ARHGAP22: variants seen among roughly 807,000 people sequenced by gnomAD.
ARHGAP22 encodes rho GTPase-activating protein 22.
Under a neutral mutation model 59.1 loss-of-function variants are expected in ARHGAP22, and 48 were observed. The ratio of observed to expected loss-of-function variants is 0.81; its 90% CI spans 0.64 to 1.03. The LOEUF (loss-of-function observed/expected upper bound fraction) is 1.03. Among genes scored for constraint, ARHGAP22 ranks in the 50% least tolerant of loss-of-function variants. ARHGAP22 has a pLI of 0.00. For missense variants in ARHGAP22, 1,015 were observed against 958.7 expected (o/e 1.06, Z -0.78); for synonymous variants, 445 against 416.4 (o/e 1.07, Z -0.84).
intron 4 of ARHGAP22, among the ~76,000 whole-genome samples, chr10:48,464,485 G>A (rs531171581): frequency 3.4e-4 from 52 of 152,246 alleles, no homozygotes; most frequent in Non-Finnish European, 5.7e-4. Flanking sequence ...TGAAGCCAAC[G>A]TCTAAAGATG....
intron 2 of ARHGAP22, among the ~76,000 whole-genome samples, chr10:48,559,155 TGCCAGGTCAGG>T (rs1290144984): frequency 1.3e-5 from 2 of 152,192 alleles, no homozygotes; most frequent in Admixed American, 6.5e-5. Context: ...CCTACTATAG[TGCCAGGTCAGG>T]GCTTAAGTGT....
chr10:48,490,622 C>T (rs2050294732), intron 3 of ARHGAP22, among the ~76,000 whole-genome samples: 1 of 152,214 alleles, frequency 6.6e-6, no homozygotes, highest in South Asian at 2.1e-4. Context: ...CTCCTGTGTT[C>T]CCACTTCGGT....
intron 3 of ARHGAP22, among the ~76,000 whole-genome samples, chr10:48,498,098 T>G (rs150991406): frequency 1.3e-5 from 2 of 152,142 alleles, no homozygotes; most frequent in Non-Finnish European, 2.9e-5. Flanking sequence ...TAAGGCTCCC[T>G]GCGGGTAACA....
At chr10:48,494,867 C>T in intron 3 of ARHGAP22, among the ~76,000 whole-genome samples, 1 of 152,206 alleles carries the variant, frequency 6.6e-6, no homozygotes, top group East Asian at 1.9e-4. Flanking sequence ...CTCTTCCCAC[C>T]AGAAACTTTG....
intron 1 of ARHGAP22, among the ~76,000 whole-genome samples, chr10:48,637,093 T>C (rs913054299): frequency 8.5e-5 from 13 of 152,146 alleles, no homozygotes; most frequent in African/African-American, 2.9e-4. Flanking sequence ...GCCAGGCCAG[T>C]CTCTGAGAAG....
At chr10:48,485,265 A>G (rs1327210990) in intron 3 of ARHGAP22, among the ~76,000 whole-genome samples, 1 of 152,116 alleles carries the variant, frequency 6.6e-6, no homozygotes, top group Non-Finnish European at 1.5e-5. Context: ...TCCCTGAACT[A>G]CTACTTTAGA....
chr10:48,465,648 G>T (rs559350604), intron 4 of ARHGAP22, among the ~76,000 whole-genome samples: 3 of 152,344 alleles, frequency 2.0e-5, no homozygotes, highest in African/African-American at 4.8e-5. Context: ...AGCTGATCCC[G>T]GAGCAGAGTG....
chr10:48,592,868 G>A (rs903418661), intron 1 of ARHGAP22, among the ~76,000 whole-genome samples: 9 of 152,146 alleles, frequency 5.9e-5, no homozygotes, highest in African/African-American at 1.9e-4. Context: ...TTCAAAAGAG[G>A]GCAGCCAGCA....
At position 48,594,730 on chromosome 10, in the gene ARHGAP22, C is replaced by T. The variant is rs146080265; in HGVS notation, c.34+10033G>A. On this transcript the variant is annotated intron_variant, in intron 1 of 9. Coordinates refer to ENST00000249601, the MANE Select transcript of ARHGAP22 (RefSeq NM_021226.4). The stretch of plus-strand genomic sequence containing the variant: ...TTTATATCATCCACCCCTCGCCCAA[C>T]TTAGGAGCTTAAAAACCTCTAACCA... Among the ~76,000 whole-genome samples the T allele has an allele frequency of 2.4e-4, 36 of 152,278 alleles. No homozygotes were observed. The East Asian group carries it at 3.7e-3, about 16-fold the overall frequency.
intron 1 of ARHGAP22, among the ~76,000 whole-genome samples, chr10:48,594,162 C>T (rs2059930580): frequency 6.6e-6 from 1 of 152,188 alleles, no homozygotes; most frequent in Non-Finnish European, 1.5e-5. Context: ...AAGGTCAGAG[C>T]CTCTGCCTGC....
the ARHGAP22 span, chr10:48,435,058 A>AT: frequency 6.8e-6 from 3 of 440,106 alleles, no homozygotes; most frequent in Non-Finnish European, 4.5e-6. Flanking sequence ...GGTGGGAGGG[A>AT]TGGGGAGTCG....
At chr10:48,441,776 G>C (rs1589369283), downstream of ARHGAP22, among the ~76,000 whole-genome samples, 1 of 152,314 alleles carries the variant, frequency 6.6e-6, no homozygotes, top group East Asian at 1.9e-4. Context: ...TTATGAGACA[G>C]GGTCCTGGAA....
At chr10:48,473,559 TACTCAGAGAGC>T (rs1311184158) in intron 4 of ARHGAP22, among the ~76,000 whole-genome samples, 3 of 122,554 alleles carry the variant, frequency 2.4e-5, no homozygotes, top group Admixed American at 8.0e-5. Flanking sequence ...GACTATTTAG[TACTCAGAGAGC>T]GCTGAGCACT....
At position 48,454,162 on chromosome 10, in the gene ARHGAP22, C is replaced by T; in HGVS notation, c.793-1G>A. On this transcript the variant is annotated splice_acceptor_variant, in intron 6 of 9. Transcript: ENST00000249601. LOFTEE classifies it high-confidence loss of function. ...CTTGTTTAGCCAACTCCAGAGTGCC[C>T]TTAGGAATGAAGAACAGAATTTCAA... 2 of 1,613,666 alleles carry T rather than the reference C, an allele frequency of 1.2e-6. No homozygotes were observed. Among genetic ancestry groups the T allele is most frequent in the Non-Finnish European group, 1.7e-6 (2 of 1,179,700 alleles).
At chr10:48,541,738 C>T (rs2055960985) in intron 3 of ARHGAP22, among the ~76,000 whole-genome samples, 1 of 152,160 alleles carries the variant, frequency 6.6e-6, no homozygotes, top group South Asian at 2.1e-4. Context: ...GGCAGGCAGT[C>T]CTATTGGTGG....
chr10:48,524,869 T>C (rs898802882), intron 3 of ARHGAP22, among the ~76,000 whole-genome samples: 7 of 152,206 alleles, frequency 4.6e-5, no homozygotes, highest in Admixed American at 3.3e-4. Context: ...AGAATTAAGT[T>C]ATTCAAACTC....
intron 1 of ARHGAP22, among the ~76,000 whole-genome samples, chr10:48,643,660 A>G (rs902119136): frequency 2.0e-5 from 3 of 151,682 alleles, no homozygotes; most frequent in Non-Finnish European, 4.4e-5. Flanking sequence ...GTAAATGACG[A>G]GTTAATGGGT....
In ARHGAP22 at chr10:48,479,761, C is replaced by T; in HGVS notation, c.326G>A (p.Gly109Asp). ...CGGCACCTTCTCCCGCTCCCCGGCA[C>T]CACCTGCAAGACAGGGAGACACAGG... ...GKHLFEISPG[G>D]AGEREKVPAN... The change falls in exon 4 of 10, where the codon GGT (glycine) becomes GAT (aspartate). Residue 109 changes from glycine (G) to aspartate (D), a missense_variant. Gly to Asp is a moderately conservative substitution (Grantham distance 94). Coordinates refer to ENST00000249601, the MANE Select transcript of ARHGAP22 (RefSeq NM_021226.4). The T allele has an allele frequency of 6.3e-7, 1 of 1,580,588 alleles. No individual in the cohort carries two copies. Among genetic ancestry groups the T allele is most frequent in the Non-Finnish European group, 8.6e-7 (1 of 1,161,466 alleles).
intron 3 of ARHGAP22, among the ~76,000 whole-genome samples, chr10:48,505,811 T>C (rs1323416919): frequency 6.6e-6 from 1 of 152,160 alleles, no homozygotes; most frequent in African/African-American, 2.4e-5. Flanking sequence ...GTAAGGAGCC[T>C]GTAAGGGCTG....
Sources: allele counts gnomAD v4.1 joint callset (sites outside exome capture counted in the v4.1 genomes callset), GRCh38; gene constraint gnomAD v4.1.1; transcripts MANE v1.5; gene names NCBI Gene and HGNC (gene_info 2026-07-23, HGNC 2026-07-21).